Variants in TP63 observed in about 807,000 individuals in gnomAD.
The protein encoded by TP63 is tumor protein p63.
A neutral mutation model predicts 82.8 loss-of-function variants in TP63; 17 were observed. That is an observed-to-expected ratio of 0.21 (90% confidence interval 0.14 to 0.31). The LOEUF (loss-of-function observed/expected upper bound fraction) is 0.31. Ranked by LOEUF, TP63 falls within the 10% of genes least tolerant of loss-of-function variation. The probability of loss-of-function intolerance (pLI) is 1.00; values close to 1 mark genes in which losing one functional copy is unlikely to be tolerated. For synonymous variants in TP63, 330 were observed against 321.7 expected (o/e 1.03, Z -0.28); for missense variants, 648 against 895.3 (o/e 0.72, Z 3.52).
intron 10 of TP63, among the ~76,000 whole-genome samples, chr3:189,882,103 A>G (rs1298768107): frequency 6.6e-6 from 1 of 152,048 alleles, no homozygotes. Context: ...GTAAAACCAG[A>G]TGCTCCTGTT....
At chr3:189,690,603 G>T (rs1302415482) in intron 1 of TP63, among the ~76,000 whole-genome samples, 1 of 152,170 alleles carries the variant, frequency 6.6e-6, no homozygotes, top group African/African-American at 2.4e-5. Context: ...GGTCCTGGGT[G>T]ATACCTGGCA....
intron 4 of TP63, among the ~76,000 whole-genome samples, chr3:189,858,592 T>G (rs1416711190): frequency 6.6e-6 from 1 of 151,826 alleles, no homozygotes; most frequent in Non-Finnish European, 1.5e-5. Context: ...TTGGGCAAAA[T>G]AGTGAGACCC....
chr3:189,828,201 G>T (rs547199565), intron 4 of TP63, among the ~76,000 whole-genome samples: 1 of 151,120 alleles, frequency 6.6e-6, no homozygotes, highest in Non-Finnish European at 1.5e-5. Flanking sequence ...AGATCGTGCC[G>T]CTGTGCTCCA....
intron 4 of TP63, among the ~76,000 whole-genome samples, chr3:189,858,633 G>T (rs1020435987): frequency 6.6e-6 from 1 of 152,086 alleles, no homozygotes; most frequent in Non-Finnish European, 1.5e-5. Flanking sequence ...ACCAAAATTA[G>T]CTGGGCATAG....
chr3:189,722,293 C>G (rs567648533), intron 1 of TP63, among the ~76,000 whole-genome samples: 2 of 152,270 alleles, frequency 1.3e-5, no homozygotes, highest in East Asian at 3.9e-4. Context: ...AATAACTCAG[C>G]AGGAAGTGTT....
intron 3 of TP63, among the ~76,000 whole-genome samples, chr3:189,748,508 C>CAAAAAAAAAAAAAAAAAAA (rs58926854): frequency 9.6e-5 from 3 of 31,252 alleles, no homozygotes; most frequent in Admixed American, 4.3e-4. Flanking sequence ...AGGAAAACTA[C>CAAAAAAAAAAAAAAAAAAA]AAAAAAAAAA....
intron 3 of TP63, among the ~76,000 whole-genome samples, chr3:189,792,828 G>T (rs1725295933): frequency 6.6e-6 from 1 of 152,070 alleles, no homozygotes; most frequent in South Asian, 2.1e-4. Flanking sequence ...GGAGACAGCA[G>T]TGTAAACTCC....
intron 3 of TP63, among the ~76,000 whole-genome samples, chr3:189,743,914 A>G (rs1422929118): frequency 6.6e-6 from 1 of 152,132 alleles, no homozygotes; most frequent in Non-Finnish European, 1.5e-5. Flanking sequence ...TTTGACCATC[A>G]TGGGCCCTGA....
chr3:189,734,231 G>C (rs1400078329), intron 1 of TP63, among the ~76,000 whole-genome samples: 1 of 141,122 alleles, frequency 7.1e-6, no homozygotes, highest in African/African-American at 2.7e-5. Context: ...GCATGCAGTG[G>C]CTCAATCTTG....
At chr3:189,752,272 C>T (rs1721877913) in intron 3 of TP63, among the ~76,000 whole-genome samples, 1 of 152,176 alleles carries the variant, frequency 6.6e-6, no homozygotes, top group Non-Finnish European at 1.5e-5. Flanking sequence ...CTCCTAGGCT[C>T]ACCTGATCCT....
At chr3:189,640,376 T>G (rs1417313343) in intron 1 of TP63, among the ~76,000 whole-genome samples, 1 of 152,142 alleles carries the variant, frequency 6.6e-6, no homozygotes, top group Non-Finnish European at 1.5e-5. Flanking sequence ...TGTACCTTCA[T>G]AAGCTCATTT....
At chr3:189,759,452 T>G (rs1722409426) in intron 3 of TP63, among the ~76,000 whole-genome samples, 1 of 152,150 alleles carries the variant, frequency 6.6e-6, no homozygotes. Flanking sequence ...CAAATATGAG[T>G]GACCATGGCC....
At chr3:189,637,959 G>A (rs1334924031) in intron 1 of TP63, among the ~76,000 whole-genome samples, 1 of 152,120 alleles carries the variant, frequency 6.6e-6, no homozygotes, top group East Asian at 1.9e-4. Flanking sequence ...ACAGGCTATT[G>A]CTGGTTTTGA....
chr3:189,874,570 T>C (rs1718816137), intron 10 of TP63, among the ~76,000 whole-genome samples: 1 of 152,124 alleles, frequency 6.6e-6, no homozygotes, highest in Non-Finnish European at 1.5e-5. Flanking sequence ...CATAAAAGTT[T>C]TGCAAATTTT....
At chr3:189,699,652 G>A (rs988380855) in intron 1 of TP63, among the ~76,000 whole-genome samples, 3 of 151,646 alleles carry the variant, frequency 2.0e-5, no homozygotes, top group Non-Finnish European at 4.4e-5. Flanking sequence ...GGTAAAAATG[G>A]CACTAGCATA....
At chr3:189,844,167 C>T in intron 4 of TP63, 1 of 366,996 alleles carries the variant, frequency 2.7e-6, no homozygotes, top group Admixed American at 3.5e-5. Flanking sequence ...AACACTTTTC[C>T]TTTTTCTTTT....
At chr3:189,649,251 C>T (rs1357236295) in intron 1 of TP63, among the ~76,000 whole-genome samples, 1 of 146,642 alleles carries the variant, frequency 6.8e-6, no homozygotes. Flanking sequence ...AACATAAATG[C>T]CCATCAATGG....
chr3:189,841,523 T>G (rs1470136821), intron 4 of TP63, among the ~76,000 whole-genome samples: 2 of 152,192 alleles, frequency 1.3e-5, no homozygotes, highest in Non-Finnish European at 2.9e-5. Flanking sequence ...TTACCATTAC[T>G]GGAACAGAGG....
At chr3:189,705,472 T>C (rs1162631355) in intron 1 of TP63, among the ~76,000 whole-genome samples, 1 of 152,122 alleles carries the variant, frequency 6.6e-6, no homozygotes, top group South Asian at 2.1e-4. Flanking sequence ...TTCATTCTTA[T>C]TCAATTCTTT....
Sources: gnomAD v4.1 joint callset for allele counts (sites outside exome capture counted in the v4.1 genomes callset) on GRCh38, gnomAD v4.1.1 for gene constraint, MANE v1.5 for transcripts, NCBI Gene and HGNC (gene_info 2026-07-23, HGNC 2026-07-21) for gene names.